Variants in NDUFV2 observed in about 807,000 individuals in gnomAD.
The protein encoded by NDUFV2 is NADH dehydrogenase [ubiquinone] flavoprotein 2, mitochondrial.
In NDUFV2, 18 loss-of-function variants were observed where a neutral mutation model predicts 31.6. That is an observed-to-expected ratio of 0.57 (90% CI 0.39 to 0.84). The LOEUF (loss-of-function observed/expected upper bound fraction) is 0.84, where lower values mean the gene tolerates loss of function less well. Among genes scored for constraint, NDUFV2 ranks in the 40% least tolerant of loss-of-function variants. The pLI is 0.00. For synonymous variants in NDUFV2, 83 were observed against 99.8 expected, an observed-to-expected ratio of 0.83 and a Z score of 1.01; for missense variants, 314 against 303.6, an observed-to-expected ratio of 1.03 and a Z score of -0.26.
At chr18:9,125,291 A>G (rs1188518418) in intron 6 of NDUFV2, among the ~76,000 whole-genome samples, 1 of 150,740 alleles carries the variant, frequency 6.6e-6, no homozygotes, top group Non-Finnish European at 1.5e-5. Flanking sequence ...TTCAGATACT[A>G]TCATCATCAT....
At chr18:9,122,926 A>C (rs1362991180) in intron 5 of NDUFV2, among the ~76,000 whole-genome samples, 2 of 152,226 alleles carry the variant, frequency 1.3e-5, no homozygotes, top group African/African-American at 2.4e-5. Flanking sequence ...AAATGCTTGT[A>C]GAAGTTATAA....
chr18:9,123,484 AT>A (rs1053193803), intron 5 of NDUFV2, among the ~76,000 whole-genome samples: 2 of 148,008 alleles, frequency 1.4e-5, no homozygotes, highest in African/African-American at 2.5e-5. Context: ...TGTCTGCCTC[AT>A]TTTTTTTTTC....
At chr18:9,107,234 C>A (rs1374394722) in intron 1 of NDUFV2, among the ~76,000 whole-genome samples, 1 of 152,168 alleles carries the variant, frequency 6.6e-6, no homozygotes, top group Non-Finnish European at 1.5e-5. Context: ...TTATTAGAGA[C>A]TTGAACTCAG....
chr18:9,111,050 C>T (rs2077867476), intron 1 of NDUFV2, among the ~76,000 whole-genome samples: 1 of 152,066 alleles, frequency 6.6e-6, no homozygotes, highest in Non-Finnish European at 1.5e-5. Context: ...ATCTGCCTGC[C>T]TGTATATATG....
intron 5 of NDUFV2, among the ~76,000 whole-genome samples, chr18:9,124,362 A>G (rs1178241941): frequency 6.6e-6 from 1 of 151,626 alleles, no homozygotes; most frequent in African/African-American, 2.4e-5. Flanking sequence ...GGCTCAAGCC[A>G]TCCTCGCACC....
chr18:9,104,935 A>G, intron 1 of NDUFV2: 2 of 1,541,690 alleles, frequency 1.3e-6, no homozygotes, highest in Non-Finnish European at 1.8e-6. Context: ...TGATGTCTAC[A>G]CATAACAGAC....
chr18:9,132,874 C>G (rs374863438), intron 7 of NDUFV2, among the ~76,000 whole-genome samples: 1 of 151,950 alleles, frequency 6.6e-6, no homozygotes, highest in African/African-American at 2.4e-5. Context: ...GACCCTGTCT[C>G]AAAAATAATA....
intron 4 of NDUFV2, chr18:9,121,294 C>T (rs913018071): frequency 2.6e-5 from 4 of 152,012 alleles, no homozygotes; most frequent in Admixed American, 6.6e-5. Flanking sequence ...TTTATTTAAC[C>T]GTCACTAAGG....
chr18:9,133,027 A>G (rs879622492), intron 7 of NDUFV2, among the ~76,000 whole-genome samples: 70 of 152,238 alleles, frequency 4.6e-4, no homozygotes, highest in Admixed American at 2.2e-3. Flanking sequence ...AACAAGACCT[A>G]TAATCCAAAG....
chr18:9,104,881 C>T (rs2077833830), intron 1 of NDUFV2: 2 of 1,458,626 alleles, frequency 1.4e-6, no homozygotes, highest in Non-Finnish European at 9.2e-7. Flanking sequence ...AAATAAAAAT[C>T]ATCCATTGTC....
rs774138087 is a variant in NDUFV2 at position 9,117,800 on chromosome 18, T to C, written c.55-38T>C. 2.4e-6 allele frequency: 3 copies of C among 1,236,190 alleles called. No individual in the cohort carries two copies. In the South Asian group the frequency reaches 3.6e-5, roughly 15 times the overall value. The allele number at this position is 1,236,190 out of a possible 1,614,324, so 76.6% of individuals were successfully genotyped here. Reference sequence around the variant, plus strand: ...TTCTTTATGAAAAATTTTTTAAGGCTATGATTTACTAAACTTTCTTAAAAT... The same window carrying C: ...TTCTTTATGAAAAATTTTTTAAGGCCATGATTTACTAAACTTTCTTAAAAT... On this transcript the variant is annotated intron_variant, in intron 1 of 7. Transcript: ENST00000318388.
At chr18:9,134,075 C>G (rs533562125) in intron 7 of NDUFV2, 111 bp from the exon 8 acceptor site, 1 of 735,830 alleles carries the variant, frequency 1.4e-6, no homozygotes, top group South Asian at 1.6e-5. Flanking sequence ...TATGCTAGTT[C>G]TTAGGGTAAA....
At chr18:9,122,775 T>A (rs1466020845) in intron 5 of NDUFV2, 94 bp downstream of exon 5, 1 of 1,202,052 alleles carries the variant, frequency 8.3e-7, no homozygotes. Flanking sequence ...ACTTCTGCCA[T>A]CTTATTGGAT....
At chr18:9,132,330 G>T (rs1017382549) in intron 7 of NDUFV2, 1 of 152,040 alleles carries the variant, frequency 6.6e-6, no homozygotes, top group African/African-American at 2.4e-5. Flanking sequence ...CATTAATTTT[G>T]GAAGATCCAT....
chr18:9,134,118 C>A, intron 7 of NDUFV2, 68 bp from the exon 8 acceptor site: 1 of 1,198,378 alleles, frequency 8.3e-7, no homozygotes, highest in African/African-American at 1.5e-5. Context: ...TGTGAGGTAA[C>A]CATTACAATT....
At chr18:9,130,864 G>A (rs1245140144) in intron 7 of NDUFV2, among the ~76,000 whole-genome samples, 3 of 152,216 alleles carry the variant, frequency 2.0e-5, no homozygotes, top group African/African-American at 4.8e-5. Context: ...ATGTCTATAT[G>A]TGGTTCAAAA....
At chr18:9,116,695 CTGAAATATCATT>C (rs1359801894) in intron 1 of NDUFV2, among the ~76,000 whole-genome samples, 2 of 152,234 alleles carry the variant, frequency 1.3e-5, no homozygotes, top group African/African-American at 4.8e-5. Context: ...ATTTCTTCAA[CTGAAATATCATT>C]TGGACCTAGG....
chr18:9,122,361 A>G (rs1041984192), intron 4 of NDUFV2, 152 bp from the exon 5 acceptor site: 1 of 679,404 alleles, frequency 1.5e-6, no homozygotes, highest in South Asian at 1.8e-5. Flanking sequence ...TATATCTCCC[A>G]GTTATCCAAG....
chr18:9,123,029 T>C (rs2077953203), intron 5 of NDUFV2, among the ~76,000 whole-genome samples: 1 of 152,268 alleles, frequency 6.6e-6, no homozygotes, highest in African/African-American at 2.4e-5. Flanking sequence ...TGACCCATTA[T>C]TGTCTTTATA....
Sources: gnomAD v4.1 joint callset for allele counts (sites outside exome capture counted in the v4.1 genomes callset) on GRCh38, gnomAD v4.1.1 for gene constraint, MANE v1.5 for transcripts, NCBI Gene and HGNC (gene_info 2026-07-23, HGNC 2026-07-21) for gene names.